The following RANBP3L variants were observed in gnomAD, a reference collection of about 807,000 sequenced individuals.
The protein encoded by RANBP3L is RAN binding protein 3 like.
Under a neutral mutation model 67.2 loss-of-function variants are expected in RANBP3L, and 56 were observed. That is an observed-to-expected ratio of 0.83 (90% CI 0.67 to 1.04). The LOEUF (loss-of-function observed/expected upper bound fraction) is 1.04. Ranked by LOEUF, RANBP3L falls within the 50% of genes least tolerant of loss-of-function variation. The pLI, the probability that RANBP3L is intolerant of heterozygous loss-of-function variation, is 0.00. For missense variants in RANBP3L, 496 were observed against 535.5 expected (o/e 0.93, Z 0.73); for synonymous variants, 164 against 181.4 (o/e 0.90, Z 0.77).
intron 7 of RANBP3L, among the ~76,000 whole-genome samples, chr5:36,261,277 A>C (rs990254752): frequency 6.6e-6 from 1 of 152,140 alleles, no homozygotes; most frequent in Non-Finnish European, 1.5e-5. Context: ...TTGAGTGTGC[A>C]TTGGCTTAAA....
At chr5:36,287,624 A>T (rs1248224614) in intron 1 of RANBP3L, among the ~76,000 whole-genome samples, 2 of 152,168 alleles carry the variant, frequency 1.3e-5, no homozygotes, top group African/African-American at 2.4e-5. Flanking sequence ...ATTCTAAAGG[A>T]TGTTCAATAA....
At chr5:36,282,222 G>T (rs1444130085) in intron 1 of RANBP3L, among the ~76,000 whole-genome samples, 1 of 152,146 alleles carries the variant, frequency 6.6e-6, no homozygotes, top group African/African-American at 2.4e-5. Context: ...TGAGGGAGTG[G>T]GGAACAAAGT....
intron 1 of RANBP3L, among the ~76,000 whole-genome samples, chr5:36,285,607 A>C (rs1320566683): frequency 1.3e-5 from 2 of 152,198 alleles, no homozygotes; most frequent in Non-Finnish European, 2.9e-5. Flanking sequence ...TGACTTTAGA[A>C]GACACCAGCA....
intron 1 of RANBP3L, among the ~76,000 whole-genome samples, chr5:36,281,886 C>A (rs933131695): frequency 1.3e-5 from 2 of 152,196 alleles, no homozygotes; most frequent in African/African-American, 4.8e-5. Context: ...GAAGGCGTTA[C>A]TTTGTCTATA....
intron 11 of RANBP3L, among the ~76,000 whole-genome samples, chr5:36,254,802 T>C (rs1408771999): frequency 1.3e-5 from 2 of 152,110 alleles, no homozygotes; most frequent in African/African-American, 4.8e-5. Context: ...GATCTCTCCC[T>C]GTGCTCTCTT....
rs6874389 is a variant in RANBP3L at position 36,268,512 on chromosome 5, C to T, written c.268+878G>A. On this transcript the variant is annotated intron_variant, in intron 4 of 13. Coordinates refer to ENST00000296604, the MANE Select transcript of RANBP3L (RefSeq NM_145000.5). ...ACACTATCAACCATGAAGATGACCT[C>T]GAGGAACTCACAGTGGAGGAAAAAT... 0.86 allele frequency among the ~76,000 whole-genome samples: 130,850 copies of T among 152,070 alleles called. 57,875 individuals carry two copies. The highest frequency in any genetic ancestry group is 0.97 in the Non-Finnish European group (66,090 of 68,024).
chr5:36,276,794 A>G (rs1232960486), intron 1 of RANBP3L, among the ~76,000 whole-genome samples: 1 of 152,208 alleles, frequency 6.6e-6, no homozygotes, highest in African/African-American at 2.4e-5. Context: ...TCAAAAGAAG[A>G]TGTCAAAGAT....
intron 12 of RANBP3L, among the ~76,000 whole-genome samples, chr5:36,252,812 T>G (rs534057283): frequency 1.3e-5 from 2 of 152,180 alleles, no homozygotes; most frequent in African/African-American, 4.8e-5. Context: ...CCAGAACATT[T>G]TAATGCTCAA....
chr5:36,267,751 T>C (rs1265487281), intron 4 of RANBP3L, among the ~76,000 whole-genome samples: 2 of 152,206 alleles, frequency 1.3e-5, no homozygotes, highest in Non-Finnish European at 2.9e-5. Context: ...CAAAACATTA[T>C]AAATTTCAAG....
At chr5:36,274,367 G>A (rs1750429371) in intron 1 of RANBP3L, among the ~76,000 whole-genome samples, 1 of 152,122 alleles carries the variant, frequency 6.6e-6, no homozygotes. Context: ...TAACCAACAA[G>A]AGAATCTTAG....
rs1748338304 is a variant in RANBP3L, at chr5:36,246,990, G to A, written c.*2664C>T. Among the ~76,000 whole-genome samples, 2 of 152,096 alleles carry A rather than the reference G, an allele frequency of 1.3e-5. No homozygotes were observed. The highest frequency in any genetic ancestry group is 4.2e-4 in the South Asian group (2 of 4,816). ...AAAATCTTACTAAAAGAAAGTTAAG[G>A]TTGTCTTAACACAAGATATATAATG... is the stretch of plus-strand genomic sequence containing the variant. On this transcript the variant is annotated 3_prime_UTR_variant, in exon 14 of 14. Coordinates refer to ENST00000296604, the MANE Select transcript of RANBP3L (RefSeq NM_145000.5).
intron 6 of RANBP3L, among the ~76,000 whole-genome samples, chr5:36,262,919 G>T (rs1052006161): frequency 6.6e-6 from 1 of 152,084 alleles, no homozygotes; most frequent in African/African-American, 2.4e-5. Context: ...GGTTAAAATA[G>T]TTATTTAGGC....
intron 1 of RANBP3L, among the ~76,000 whole-genome samples, chr5:36,271,723 G>C (rs1579725132): frequency 6.6e-6 from 1 of 152,132 alleles, no homozygotes. Flanking sequence ...AGGTAGAAAT[G>C]ATATGTATGC....
chr5:36,256,966 TC>T lies in RANBP3L; in HGVS notation c.877del (p.Glu293ArgfsTer8). 1 of 1,613,128 alleles carries T rather than the reference TC, an allele frequency of 6.2e-7. No homozygotes were observed. Among genetic ancestry groups the T allele is most frequent in the Non-Finnish European group, 8.5e-7 (1 of 1,179,310 alleles). Reference protein sequence around the residue: ...LLEKIDVITGEETEHNVLKIN... With the variant: ...LLEKIDVITGXETEHNVLKIN... ...CTTTAACACATTATGTTCTGTTTCC[TC>T]CCCTGTTATAACATCAATTTTCTCC... On this transcript the variant is annotated frameshift_variant, in exon 10 of 14. Transcript: ENST00000296604. LOFTEE classifies it high-confidence loss of function.
At chr5:36,270,032 C>T (rs759406367) in intron 2 of RANBP3L, 42 bp from the exon 3 acceptor site, 3 of 1,575,296 alleles carry the variant, frequency 1.9e-6, no homozygotes, top group Non-Finnish European at 2.6e-6. Context: ...GAGTATTTGC[C>T]TTTGTATTAT....
At chr5:36,276,618 AC>A (rs534643617) in intron 1 of RANBP3L, among the ~76,000 whole-genome samples, 61 of 151,314 alleles carry the variant, frequency 4.0e-4, no homozygotes, top group Admixed American at 3.6e-3. Flanking sequence ...TGTACTATAT[AC>A]CCCCCCTAAT....
intron 1 of RANBP3L, among the ~76,000 whole-genome samples, chr5:36,291,371 T>C (rs1751750734): frequency 6.6e-6 from 1 of 151,678 alleles, no homozygotes; most frequent in African/African-American, 2.4e-5. Context: ...TTTTTATTTT[T>C]TTTCAGTTTT....
At chr5:36,293,673 C>G (rs1458692769) in intron 1 of RANBP3L, among the ~76,000 whole-genome samples, 1 of 144,878 alleles carries the variant, frequency 6.9e-6, no homozygotes, top group South Asian at 2.3e-4. Context: ...TGGTTTTTGT[C>G]GTTGGTTCTG....
At chr5:36,251,540 T>C in intron 12 of RANBP3L, 41 bp from the exon 13 acceptor site, 1 of 1,471,842 alleles carries the variant, frequency 6.8e-7, no homozygotes, top group Non-Finnish European at 9.3e-7. Context: ...ATCATTAATA[T>C]GTTAGCTACA....
Sources: allele counts gnomAD v4.1 joint callset (sites outside exome capture counted in the v4.1 genomes callset), GRCh38; gene constraint gnomAD v4.1.1; transcripts MANE v1.5; gene names NCBI Gene and HGNC (gene_info 2026-07-23, HGNC 2026-07-21).